MAP2: variants seen among roughly 807,000 people sequenced by gnomAD.
MAP2 encodes the protein microtubule-associated protein 2.
Under a neutral mutation model 137.6 loss-of-function variants are expected in MAP2, and 14 were observed. That is an observed-to-expected ratio of 0.10 (90% confidence interval 0.07 to 0.16). MAP2 has a LOEUF of 0.16. Among genes scored for constraint, MAP2 ranks in the 10% least tolerant of loss-of-function variants. The pLI, the probability that MAP2 is intolerant of heterozygous loss-of-function variation, is 1.00. For synonymous variants in MAP2, 786 were observed against 782.3 expected (o/e 1.00, Z -0.08); for missense variants, 2,088 against 2,191.5 (o/e 0.95, Z 0.94).
At chr2:209,552,138 CT>C (rs1223601263) in intron 2 of MAP2, among the ~76,000 whole-genome samples, 1 of 152,178 alleles carries the variant, frequency 6.6e-6, no homozygotes, top group East Asian at 1.9e-4. Flanking sequence ...TAATTTCTTT[CT>C]CTACTGTAAA....
intron 3 of MAP2, among the ~76,000 whole-genome samples, chr2:209,590,218 A>T (rs2078873976): frequency 6.6e-6 from 1 of 151,698 alleles, no homozygotes; most frequent in Non-Finnish European, 1.5e-5. Context: ...TTCCAGACAA[A>T]CTAGAACACC....
intron 4 of MAP2, among the ~76,000 whole-genome samples, chr2:209,638,499 T>A (rs1034508919): frequency 6.6e-6 from 1 of 152,038 alleles, no homozygotes; most frequent in African/African-American, 2.4e-5. Flanking sequence ...AGAAGAGAAA[T>A]GACTCTGCTT....
chr2:209,579,359 G>A (rs916218027), intron 2 of MAP2: 4 of 152,092 alleles, frequency 2.6e-5, no homozygotes, highest in African/African-American at 9.7e-5. Context: ...CTCGACTCCT[G>A]GGGACACACT....
At chr2:209,426,315 A>T (rs1574467610) in intron 1 of MAP2, among the ~76,000 whole-genome samples, 1 of 152,226 alleles carries the variant, frequency 6.6e-6, no homozygotes, top group Admixed American at 6.5e-5. Context: ...TACCTTTTAT[A>T]AAATAATATT....
intron 1 of MAP2, among the ~76,000 whole-genome samples, chr2:209,465,158 A>T (rs1019586796): frequency 2.6e-5 from 4 of 152,216 alleles, no homozygotes; most frequent in African/African-American, 7.2e-5. Flanking sequence ...CTTTTCTTTT[A>T]TAATTAGATT....
At chr2:209,537,436 G>A (rs2150680242) in intron 2 of MAP2, among the ~76,000 whole-genome samples, 1 of 152,284 alleles carries the variant, frequency 6.6e-6, no homozygotes, top group Non-Finnish European at 1.5e-5. Flanking sequence ...TTTCTGTACT[G>A]AGACTACATT....
At chr2:209,516,919 C>G (rs1245096234) in intron 2 of MAP2, among the ~76,000 whole-genome samples, 1 of 152,064 alleles carries the variant, frequency 6.6e-6, no homozygotes, top group East Asian at 1.9e-4. Context: ...CTTACATATT[C>G]AGGTTAGGCT....
intron 2 of MAP2, among the ~76,000 whole-genome samples, chr2:209,530,006 T>G (rs1360666154): frequency 6.7e-6 from 1 of 148,698 alleles, no homozygotes; most frequent in East Asian, 2.0e-4. Context: ...TGGGGAAGAA[T>G]TACAAAAAAT....
rs1366274732 is a variant in MAP2, at chr2:209,692,781, C to T, written c.611C>T (p.Thr204Ile). The change falls in exon 8 of 16, where the codon ACT becomes ATT. Residue 204 changes from threonine (T) to isoleucine (I), a missense_variant. This residue lies in a region of MAP2 where 859 missense variants were observed against 794.5 expected (regional missense o/e 1.08). Coordinates refer to ENST00000682079, the MANE Select transcript of MAP2 (RefSeq NM_001375505.1). Reference protein sequence around the residue: ...HAALVSQPETTKTYPDKKDMQ... With the variant: ...HAALVSQPETIKTYPDKKDMQ... ...GCCTTAGTTTCTCAGCCAGAGACAA[C>T]TAAAACTTACCCTGATAAAAAGGAC... 1.2e-6 allele frequency: 2 copies of T among 1,613,858 alleles called. No individual in the cohort carries two copies. The highest frequency in any genetic ancestry group is 1.7e-6 in the Non-Finnish European group (2 of 1,179,960).
intron 3 of MAP2, among the ~76,000 whole-genome samples, chr2:209,615,431 A>G (rs369622437): frequency 6.2e-4 from 94 of 152,334 alleles, no homozygotes; most frequent in African/African-American, 2.2e-3. Context: ...TAAAATAACC[A>G]TAGGGTTTCT....
At chr2:209,554,061 A>G (rs1355992741) in intron 2 of MAP2, among the ~76,000 whole-genome samples, 1 of 152,222 alleles carries the variant, frequency 6.6e-6, no homozygotes, top group Non-Finnish European at 1.5e-5. Context: ...TGTGTTCAAG[A>G]TACCTGTTTC....
At chr2:209,645,603 C>G (rs897884616) in intron 4 of MAP2, among the ~76,000 whole-genome samples, 1 of 152,028 alleles carries the variant, frequency 6.6e-6, no homozygotes, top group African/African-American at 2.4e-5. Context: ...GTACTTCATT[C>G]GCTTTACATG....
At position 209,693,530 on chromosome 2, in the gene MAP2, G is replaced by C. The variant is rs376769791; in HGVS notation, c.1360G>C (p.Glu454Gln). 6.2e-7 allele frequency: 1 copy of C among 1,610,874 alleles called. No individual in the cohort carries two copies. Among genetic ancestry groups the C allele is most frequent in the Non-Finnish European group, 8.5e-7 (1 of 1,179,350 alleles). The change falls in exon 8 of 16, where the codon GAA becomes CAA. Residue 454 changes from glutamate to glutamine, a missense_variant. This residue lies in a region of MAP2 where 859 missense variants were observed against 794.5 expected (regional missense o/e 1.08). Transcript: ENST00000682079. The part of the protein sequence containing the change: ...LEEKTTISDK[E>Q]AVPKESKPPK... ...AGAAAAAACCACCATTTCTGACAAAGAAGCTGTGCCAAAAGAGAGTAAACC... is the reference window on the plus strand; with the variant it reads ...AGAAAAAACCACCATTTCTGACAAACAAGCTGTGCCAAAAGAGAGTAAACC...
At chr2:209,670,127 G>T (rs1480267495) in intron 5 of MAP2, among the ~76,000 whole-genome samples, 1 of 151,806 alleles carries the variant, frequency 6.6e-6, no homozygotes, top group Non-Finnish European at 1.5e-5. Context: ...TCAATTTATT[G>T]GTGTTAAAAC....
chr2:209,636,382 C>A (rs2093565125), intron 4 of MAP2, among the ~76,000 whole-genome samples: 1 of 152,084 alleles, frequency 6.6e-6, no homozygotes, highest in Non-Finnish European at 1.5e-5. Flanking sequence ...GTTCTTCCTA[C>A]TGGCCTACTG....
At chr2:209,589,289 A>G (rs2078617970) in intron 3 of MAP2, among the ~76,000 whole-genome samples, 1 of 152,212 alleles carries the variant, frequency 6.6e-6, no homozygotes, top group Non-Finnish European at 1.5e-5. Flanking sequence ...TATATTTGGT[A>G]TAGATGAAAA....
At chr2:209,648,723 A>G (rs1210370679) in intron 4 of MAP2, among the ~76,000 whole-genome samples, 22 of 143,926 alleles carry the variant, frequency 1.5e-4, no homozygotes, top group Admixed American at 6.2e-4. Context: ...TGGGAGGTAG[A>G]GGTTGCAGTG....
intron 3 of MAP2, among the ~76,000 whole-genome samples, chr2:209,582,669 A>AGATAGATAGAT (rs2076737861): frequency 3.5e-5 from 1 of 28,440 alleles, no homozygotes; most frequent in African/African-American, 4.4e-5. Context: ...ATAGATAGAT[A>AGATAGATAGAT]GATAGATAGA....
At chr2:209,688,107 A>G (rs2057673212) in intron 7 of MAP2, among the ~76,000 whole-genome samples, 1 of 152,158 alleles carries the variant, frequency 6.6e-6, no homozygotes, top group African/African-American at 2.4e-5. Context: ...TATAAGTTGA[A>G]TCTATCCAAA....
Sources: gnomAD v4.1 joint callset for allele counts (sites outside exome capture counted in the v4.1 genomes callset) on GRCh38, gnomAD v4.1.1 for gene constraint, gnomAD v4.1.1 regional missense constraint, MANE v1.5 for transcripts, NCBI Gene and HGNC (gene_info 2026-07-23, HGNC 2026-07-21) for gene names.